The following TENM3 variants were observed in gnomAD, a reference collection of about 807,000 sequenced individuals.
The protein encoded by TENM3 is teneurin transmembrane protein 3.
Under a neutral mutation model 255.1 loss-of-function variants are expected in TENM3, and 63 were observed. The observed-to-expected ratio is 0.25, with a 90% confidence interval of 0.20 to 0.30. TENM3 has a LOEUF of 0.30. Among genes scored for constraint, TENM3 ranks in the 10% least tolerant of loss-of-function variants. TENM3 has a pLI of 1.00. For synonymous variants in TENM3, 1,306 were observed against 1,322.3 expected (o/e 0.99, Z 0.27); for missense variants, 2,929 against 3,461.1 (o/e 0.85, Z 3.86).
chr4:181,625,223 G>A, the TENM3 span, among the ~76,000 whole-genome samples: 32 of 152,320 alleles, frequency 2.1e-4, no homozygotes, highest in African/African-American at 7.2e-4. Context: ...TGCAGAGGAT[G>A]GGATGATCCC....
intron 3 of TENM3, among the ~76,000 whole-genome samples, chr4:182,396,791 G>A (rs1249587228): frequency 2.6e-5 from 4 of 151,966 alleles, no homozygotes; most frequent in Admixed American, 1.3e-4. Flanking sequence ...GTGAAACCCC[G>A]TCTCTACTAA....
At chr4:181,878,795 CTGTCTATCTACCTATCTGTG>C in the TENM3 span, among the ~76,000 whole-genome samples, 3 of 152,080 alleles carry the variant, frequency 2.0e-5, no homozygotes, top group African/African-American at 4.8e-5. Flanking sequence ...GCCTACCTAC[CTGTCTATCTACCTATCTGTG>C]TGTCTATCTA....
intron 1 of TENM3, among the ~76,000 whole-genome samples, chr4:182,302,449 C>T (rs1027934417): frequency 3.9e-5 from 6 of 152,124 alleles, no homozygotes; most frequent in South Asian, 2.1e-4. Context: ...GTTCAACAGA[C>T]GGATCTACTT....
At chr4:181,992,493 A>G in the TENM3 span, among the ~76,000 whole-genome samples, 1 of 152,136 alleles carries the variant, frequency 6.6e-6, no homozygotes, top group Non-Finnish European at 1.5e-5. Context: ...TGATAGATGC[A>G]ATGTTGATAG....
chr4:182,491,313 A>G (rs920501888), intron 3 of TENM3, among the ~76,000 whole-genome samples: 3 of 152,064 alleles, frequency 2.0e-5, no homozygotes, highest in African/African-American at 7.2e-5. Context: ...AAATTTCCCT[A>G]ATGTATGTCA....
At chr4:181,646,722 G>A in the TENM3 span, among the ~76,000 whole-genome samples, 2 of 152,184 alleles carry the variant, frequency 1.3e-5, no homozygotes, top group Non-Finnish European at 2.9e-5. Flanking sequence ...AGGCGCGTCT[G>A]ACTCTGGGAC....
At chr4:181,521,209 AC>A in the TENM3 span, among the ~76,000 whole-genome samples, 1 of 152,190 alleles carries the variant, frequency 6.6e-6, no homozygotes, top group Non-Finnish European at 1.5e-5. Flanking sequence ...ACCTTCTACA[AC>A]ACTTGAACCA....
chr4:182,744,910 T>C lies in TENM3; in HGVS notation c.3629+1491T>C, dbSNP rs144747052. Among the ~76,000 whole-genome samples, 138 of 152,218 alleles carry C rather than the reference T, an allele frequency of 9.1e-4. 2 individuals carry two copies. In the East Asian group the frequency reaches 0.011, roughly 12 times the overall value. On this transcript the variant is annotated intron_variant, in intron 19 of 27. Coordinates refer to ENST00000511685, the MANE Select transcript of TENM3 (RefSeq NM_001080477.4). ...GCAGAAGATACAATAAAGACTTGTA[T>C]GGACACATTTGATTGAAAAACTTTG...
chr4:181,641,568 A>G, the TENM3 span, among the ~76,000 whole-genome samples: 14 of 59,832 alleles, frequency 2.3e-4, no homozygotes, highest in South Asian at 7.2e-4. Flanking sequence ...ATATATATAT[A>G]TATATATATA....
At chr4:181,702,537 T>C in the TENM3 span, among the ~76,000 whole-genome samples, 1 of 152,326 alleles carries the variant, frequency 6.6e-6, no homozygotes, top group South Asian at 2.1e-4. Flanking sequence ...CGATCAGATA[T>C]ATACAGATTT....
At chr4:181,592,023 T>C in the TENM3 span, among the ~76,000 whole-genome samples, 106 of 151,894 alleles carry the variant, frequency 7.0e-4, no homozygotes, top group African/African-American at 2.3e-3. Flanking sequence ...TGAAAACTAA[T>C]CTTCAGTGAC....
At chr4:181,705,532 T>C in the TENM3 span, among the ~76,000 whole-genome samples, 1 of 152,202 alleles carries the variant, frequency 6.6e-6, no homozygotes, top group African/African-American at 2.4e-5. Context: ...TTCTCTTTGA[T>C]TGATAAGTAA....
the TENM3 span, among the ~76,000 whole-genome samples, chr4:181,486,337 A>T: frequency 6.6e-6 from 1 of 152,186 alleles, no homozygotes; most frequent in Non-Finnish European, 1.5e-5. Flanking sequence ...TGCCACATTC[A>T]CATTGTCAGC....
chr4:182,719,241 CT>C (rs1158057157), intron 13 of TENM3, among the ~76,000 whole-genome samples: 42 of 83,314 alleles, frequency 5.0e-4, no homozygotes, highest in South Asian at 4.3e-3. Context: ...AAATAGAGTT[CT>C]TTTTTTTTTC....
intron 3 of TENM3, among the ~76,000 whole-genome samples, chr4:182,542,936 A>C (rs1190997562): frequency 6.6e-6 from 1 of 152,234 alleles, no homozygotes; most frequent in Non-Finnish European, 1.5e-5. Context: ...ACACGGGTTA[A>C]AGAGGTTTGT....
At chr4:182,402,549 G>A (rs1769279361) in intron 3 of TENM3, among the ~76,000 whole-genome samples, 1 of 152,074 alleles carries the variant, frequency 6.6e-6, no homozygotes, top group African/African-American at 2.4e-5. Context: ...ATAAATCAAA[G>A]TGGACATAAT....
At chr4:181,618,217 G>A in the TENM3 span, among the ~76,000 whole-genome samples, 2 of 152,156 alleles carry the variant, frequency 1.3e-5, no homozygotes, top group Non-Finnish European at 2.9e-5. Flanking sequence ...TGAGTTGGGA[G>A]CCAATTTATC....
Position 182,679,790 on chromosome 4 carries a change from A to G in TENM3, c.1451A>G (p.Gln484Arg), listed in dbSNP as rs1446805307. The G allele has an allele frequency of 1.4e-5, 23 of 1,613,882 alleles. No homozygotes were observed. The highest frequency in any genetic ancestry group is 1.9e-5 in the Non-Finnish European group (22 of 1,179,898). ...AGCCTTCATGAGGCCGGCTTTATCC[A>G]GTACTTGGATTCTGGAATCTGGCAT... ...SVSLHEAGFI[Q>R]YLDSGIWHLA... is the part of the protein sequence containing the mutation. Residue 484 changes from glutamine to arginine, a missense_variant, in exon 8 of 28, where the codon CAG (glutamine) becomes CGG (arginine). By Grantham distance (43) the Gln-to-Arg change is conservative. Coordinates refer to ENST00000511685, the MANE Select transcript of TENM3 (RefSeq NM_001080477.4).
At chr4:181,846,275 A>T in the TENM3 span, among the ~76,000 whole-genome samples, 8 of 152,252 alleles carry the variant, frequency 5.3e-5, no homozygotes, top group Middle Eastern at 3.4e-3. Context: ...CTATCTTTTT[A>T]AAAAAATCTT....
Sources: allele counts gnomAD v4.1 joint callset (sites outside exome capture counted in the v4.1 genomes callset), GRCh38; gene constraint gnomAD v4.1.1; transcripts MANE v1.5; gene names NCBI Gene and HGNC (gene_info 2026-07-23, HGNC 2026-07-21).